The following ACSL3 variants were observed in gnomAD, a reference collection of about 807,000 sequenced individuals.
The protein encoded by ACSL3 is acyl-CoA synthetase long chain family member 3.
A neutral mutation model predicts 84.7 loss-of-function variants in ACSL3; 34 were observed. The ratio of observed to expected loss-of-function variants is 0.40; its 90% CI spans 0.31 to 0.53. ACSL3 has a LOEUF of 0.53. Ranked by LOEUF, ACSL3 falls within the 20% of genes least tolerant of loss-of-function variation. ACSL3 has a pLI of 0.48. For synonymous variants in ACSL3, 315 were observed against 299.4 expected, an observed-to-expected ratio of 1.05 and a Z score of -0.54; for missense variants, 680 against 873.1, an observed-to-expected ratio of 0.78 and a Z score of 2.79.
At chr2:222,896,821 G>A (rs1197624523) in intron 2 of ACSL3, among the ~76,000 whole-genome samples, 2 of 14,044 alleles carry the variant, frequency 1.4e-4, no homozygotes, top group African/African-American at 6.4e-4. Context: ...CTGGCCGGGC[G>A]GGGGGGCTGA....
rs1696587353 is a variant in ACSL3 at position 222,916,452 on chromosome 2, A to C, written c.512A>C (p.Glu171Ala). ...NIAIFCETRA[E>A]WMIAAQACFM... ...GCCATCTTCTGTGAGACCAGGGCCG[A>C]GTGGATGATAGCTGCACAGGCGTGT... is the stretch of plus-strand genomic sequence containing the variant. Residue 171 changes from glutamate (E) to alanine (A), a missense_variant, in exon 5 of 17, where the codon GAG becomes GCG. Physicochemically the swap from Glu to Ala is moderately radical, Grantham distance 107 (BLOSUM62 -1). Around this residue, in one of 2 missense-constraint regions of ACSL3, gnomAD observed 333 missense variants for 347.5 expected, o/e 0.96. Coordinates refer to ENST00000357430, the MANE Select transcript of ACSL3 (RefSeq NM_004457.5). 1.2e-6 allele frequency: 2 copies of C among 1,613,756 alleles called. No homozygotes were observed. Among genetic ancestry groups the C allele is most frequent in the Admixed American group, 1.7e-5 (1 of 59,960 alleles).
Position 222,925,030 on chromosome 2 carries a change from C to CAAA in ACSL3, c.1292+449_1292+451dup, listed in dbSNP as rs55727337. Among the ~76,000 whole-genome samples the CAAA allele has an allele frequency of 1.0e-2, 1,372 of 137,246 alleles. 12 individuals are homozygous for CAAA. Among genetic ancestry groups the CAAA allele is most frequent in the African/African-American group, 0.022 (788 of 36,356 alleles). 90.0% of individuals were successfully genotyped at this position (137,246 alleles called of 152,430 possible). On this transcript the variant is annotated intron_variant, in intron 11 of 16. Transcript: ENST00000357430. ...TGGGCGACAGAGCGAGAATCCGTCT[C>CAAA]AAAAAAAAAAAAAAAATCCATCCTG... is the stretch of plus-strand genomic sequence containing the variant.
chr2:222,929,774 A>G (rs1330879891), intron 13 of ACSL3, among the ~76,000 whole-genome samples: 4 of 150,946 alleles, frequency 2.6e-5, no homozygotes. Context: ...CGAAACTCTC[A>G]TCTCCAAAAT....
At chr2:222,931,749 G>T (rs1697036567) in intron 14 of ACSL3, among the ~76,000 whole-genome samples, 2 of 152,154 alleles carry the variant, frequency 1.3e-5, no homozygotes, top group Non-Finnish European at 2.9e-5. Flanking sequence ...TCAGTTCAGG[G>T]TGCCCCTGTT....
intron 2 of ACSL3, among the ~76,000 whole-genome samples, chr2:222,895,058 T>C (rs1695940255): frequency 6.6e-6 from 1 of 152,222 alleles, no homozygotes; most frequent in Non-Finnish European, 1.5e-5. Flanking sequence ...TCTGTCGTGA[T>C]TCTTAGTGAT....
chr2:222,937,772 G>A (rs1697212623), intron 16 of ACSL3, among the ~76,000 whole-genome samples: 1 of 151,872 alleles, frequency 6.6e-6, no homozygotes, highest in Admixed American at 6.6e-5. Flanking sequence ...TTTTAATTGG[G>A]CATTTAATTT....
At chr2:222,924,653 C>G in intron 11 of ACSL3, 58 bp downstream of exon 11, 4 of 1,431,424 alleles carry the variant, frequency 2.8e-6, no homozygotes, top group Non-Finnish European at 3.8e-6. Context: ...TCATTTAGTT[C>G]ACATTAATAG....
intron 1 of ACSL3, among the ~76,000 whole-genome samples, chr2:222,885,301 A>C (rs189922364): frequency 3.3e-5 from 5 of 152,154 alleles, no homozygotes. Context: ...GATGCTGCCA[A>C]ATTGCTCTCT....
intron 2 of ACSL3, among the ~76,000 whole-genome samples, chr2:222,890,904 A>T (rs371397522): frequency 6.6e-6 from 1 of 152,162 alleles, no homozygotes; most frequent in Non-Finnish European, 1.5e-5. Flanking sequence ...CAGCCTCCCA[A>T]AGTGTTGGGA....
At chr2:222,914,038 A>G (rs1696511225) in intron 4 of ACSL3, among the ~76,000 whole-genome samples, 1 of 152,196 alleles carries the variant, frequency 6.6e-6, no homozygotes, top group African/African-American at 2.4e-5. Context: ...ATTTTTTCAT[A>G]GTGATCTTCA....
At chr2:222,867,128 C>T (rs1037288502) in intron 1 of ACSL3, among the ~76,000 whole-genome samples, 12 of 152,054 alleles carry the variant, frequency 7.9e-5, no homozygotes, top group Non-Finnish European at 1.2e-4. Context: ...CCACCATGCC[C>T]GGCCTAGAAT....
At chr2:222,878,930 A>T (rs1005736409) in intron 1 of ACSL3, among the ~76,000 whole-genome samples, 1 of 152,148 alleles carries the variant, frequency 6.6e-6, no homozygotes, top group Non-Finnish European at 1.5e-5. Context: ...TCTGCACTTC[A>T]TCACTTGGGC....
At chr2:222,916,110 T>C (rs966367581) in intron 4 of ACSL3, among the ~76,000 whole-genome samples, 18 of 152,274 alleles carry the variant, frequency 1.2e-4, no homozygotes, top group African/African-American at 4.3e-4. Flanking sequence ...AGTTACAATA[T>C]AAGATTTGAG....
intron 2 of ACSL3, among the ~76,000 whole-genome samples, chr2:222,891,789 A>G (rs1695850524): frequency 6.6e-6 from 1 of 152,180 alleles, no homozygotes; most frequent in Non-Finnish European, 1.5e-5. Flanking sequence ...TCTCCTTTCC[A>G]ATGTTTATCT....
chr2:222,884,498 G>T (rs994185664), intron 1 of ACSL3, among the ~76,000 whole-genome samples: 3 of 152,208 alleles, frequency 2.0e-5, no homozygotes, highest in African/African-American at 7.2e-5. Flanking sequence ...GGAAGAACCT[G>T]TTCCTTGCCT....
Position 222,936,846 on chromosome 2 carries a change from G to A in ACSL3, c.2005+2159G>A, listed in dbSNP as rs183518149. On this transcript the variant is annotated intron_variant, in intron 16 of 16. Transcript: ENST00000357430. ...AGGGACATCTTACATGGCGGCAGGC[G>A]AGAGAGCAAATGAAGAGAGAGAGAG... Among the ~76,000 whole-genome samples the A allele has an allele frequency of 5.3e-4, 81 of 152,180 alleles. No individual in the cohort carries two copies. The East Asian group carries it at 0.013, about 24-fold the overall frequency.
At chr2:222,922,414 C>T (rs1019895930) in intron 8 of ACSL3, among the ~76,000 whole-genome samples, 7 of 152,224 alleles carry the variant, frequency 4.6e-5, no homozygotes, top group South Asian at 4.1e-4. Flanking sequence ...GCTTCAGCAA[C>T]GCTTATAATT....
intron 2 of ACSL3, among the ~76,000 whole-genome samples, chr2:222,893,225 C>G (rs998537308): frequency 6.6e-6 from 1 of 152,206 alleles, no homozygotes; most frequent in Non-Finnish European, 1.5e-5. Context: ...TCATCCTCTG[C>G]TGCCTTTGAC....
rs1307500965 is a variant in ACSL3 at position 222,930,625 on chromosome 2, A to C, written c.1545A>C (p.Gly515=). 1.6e-5 allele frequency: 25 copies of C among 1,596,038 alleles called. No homozygotes were observed. The highest frequency in any genetic ancestry group is 2.0e-5 in the Non-Finnish European group (24 of 1,172,084). The part of the protein sequence containing the change: ...EIKLKNWEEG[G]YFNTDKPHPR... Reference sequence around the variant, plus strand: ...ACTCAATTATTATTTTATTAGGTGGATACTTTAATACTGATAAGCCACACC... The same window carrying C: ...ACTCAATTATTATTTTATTAGGTGGCTACTTTAATACTGATAAGCCACACC... Residue 515 remains glycine (G), a synonymous_variant, in exon 14 of 17, where the codon GGA becomes GGC. Coordinates refer to ENST00000357430, the MANE Select transcript of ACSL3 (RefSeq NM_004457.5).
Sources: gnomAD v4.1 joint callset for allele counts (sites outside exome capture counted in the v4.1 genomes callset) on GRCh38, gnomAD v4.1.1 for gene constraint, gnomAD v4.1.1 regional missense constraint, MANE v1.5 for transcripts, NCBI Gene and HGNC (gene_info 2026-07-23, HGNC 2026-07-21) for gene names.